HERC1: variants seen among roughly 807,000 people sequenced by gnomAD.
The protein encoded by HERC1 is probable E3 ubiquitin-protein ligase HERC1.
Under a neutral mutation model 554.3 loss-of-function variants are expected in HERC1, and 160 were observed. That is an observed-to-expected ratio of 0.29 (90% CI 0.25 to 0.33). The LOEUF is 0.33. Among genes scored for constraint, HERC1 ranks in the 10% least tolerant of loss-of-function variants. HERC1 has a pLI of 1.00. For synonymous variants in HERC1, 2,175 were observed against 2,131.7 expected (o/e 1.02, Z -0.56); for missense variants, 4,919 against 5,918.5 (o/e 0.83, Z 5.54).
chr15:63,757,246 T>C (rs1217817659), intron 4 of HERC1, among the ~76,000 whole-genome samples: 3 of 148,882 alleles, frequency 2.0e-5, no homozygotes, highest in Non-Finnish European at 4.5e-5. Flanking sequence ...CAAAAAGAAA[T>C]TCCAGTTTTT....
chr15:63,787,282 G>C (rs1251567360), intron 1 of HERC1, among the ~76,000 whole-genome samples: 1 of 151,214 alleles, frequency 6.6e-6, no homozygotes, highest in African/African-American at 2.4e-5. Flanking sequence ...TCAGCCTCCC[G>C]AGTAGGTGGG....
chr15:63,784,588 C>T (rs1408419202), intron 1 of HERC1, among the ~76,000 whole-genome samples: 1 of 143,168 alleles, frequency 7.0e-6, no homozygotes, highest in Non-Finnish European at 1.5e-5. Flanking sequence ...CTTATATATG[C>T]ATGTATTATC....
chr15:63,656,176 G>C lies in HERC1; in HGVS notation c.9782C>G (p.Ser3261Cys), dbSNP rs1475405230. Residue 3261 changes from serine to cysteine, a missense_variant, in exon 49 of 78, where the codon TCT becomes TGT. Physicochemically the swap from Ser to Cys is moderately radical, Grantham distance 112. Transcript: ENST00000443617. ...GGHSKANKPI[S>C]CLAYLSTAVG... is the part of the protein sequence containing the mutation. The stretch of plus-strand genomic sequence containing the variant: ...TGCTGTGCTCAAATAGGCCAGGCAA[G>C]AGATAGGCTTGTTAGCCTTGCTATG... 2 of 1,612,790 alleles carry C rather than the reference G, an allele frequency of 1.2e-6. No homozygotes were observed. The highest frequency in any genetic ancestry group is 1.7e-5 in the Admixed American group (1 of 59,790).
At chr15:63,714,572 T>C (rs1428569747) in intron 22 of HERC1, among the ~76,000 whole-genome samples, 2 of 128,600 alleles carry the variant, frequency 1.6e-5, no homozygotes, top group African/African-American at 6.0e-5. Context: ...TTTTTGGAGA[T>C]GGAGTCTCAC....
rs535221815 is a variant in HERC1, at chr15:63,730,333, C to A, written c.2869-684G>T. 2.0e-5 allele frequency among the ~76,000 whole-genome samples: 3 copies of A among 151,928 alleles called. No homozygotes were observed. The South Asian group carries it at 6.2e-4, about 32-fold the overall frequency. ...AATTAGCTGAGCATGGTGGTGCACA[C>A]CTCTAGTCCCAGCTACTTGGGAGGC... On this transcript the variant is annotated intron_variant, in intron 14 of 77. Coordinates refer to ENST00000443617, the MANE Select transcript of HERC1 (RefSeq NM_003922.4).
At chr15:63,617,073 A>AT (rs1443703834) in intron 74 of HERC1, among the ~76,000 whole-genome samples, 2 of 151,440 alleles carry the variant, frequency 1.3e-5, no homozygotes, top group Non-Finnish European at 2.9e-5. Flanking sequence ...GGTTTGTTAC[A>AT]TATGTATACA....
Position 63,680,878 on chromosome 15 carries a change from G to T in HERC1, c.6226-102C>A. 1 of 702,160 alleles carries T rather than the reference G, an allele frequency of 1.4e-6. No individual in the cohort carries two copies. Among genetic ancestry groups the T allele is most frequent in the Non-Finnish European group, 2.4e-6 (1 of 422,550 alleles). The allele number at this position is 702,160 out of a possible 1,614,324, so 43.5% of individuals were successfully genotyped here. ...AAATATGTTTATAAATAATACTAAT[G>T]CATTTATGGAAACATGTTATTTTCA... On this transcript the variant is annotated intron_variant, in intron 34 of 77. Coordinates refer to ENST00000443617, the MANE Select transcript of HERC1 (RefSeq NM_003922.4). This position sits in a 1 kb window ranked among gnomAD's most constrained non-coding sequence, Gnocchi z 5.8.
intron 65 of HERC1, among the ~76,000 whole-genome samples, chr15:63,635,628 G>T (rs1357238970): frequency 6.6e-6 from 1 of 152,200 alleles, no homozygotes; most frequent in Non-Finnish European, 1.5e-5. Context: ...TAAAAGCAAA[G>T]TTTTCCTTTT....
chr15:63,769,425 A>C (rs1363164549), intron 2 of HERC1, among the ~76,000 whole-genome samples: 1 of 152,160 alleles, frequency 6.6e-6, no homozygotes, highest in African/African-American at 2.4e-5. Flanking sequence ...GTTTCCAAAA[A>C]AAACAGGGCT....
chr15:63,644,869 T>C, intron 57 of HERC1, 123 bp downstream of exon 57: 1 of 674,938 alleles, frequency 1.5e-6, no homozygotes, highest in Non-Finnish European at 2.6e-6. Context: ...ATTACTTATA[T>C]TTCCCAATGG....
At chr15:63,639,098 C>T (rs2068917002) in intron 61 of HERC1, among the ~76,000 whole-genome samples, 1 of 152,102 alleles carries the variant, frequency 6.6e-6, no homozygotes, top group African/African-American at 2.4e-5. Flanking sequence ...TAGCTGTGGG[C>T]AAATTACTTC....
At chr15:63,685,740 A>G (rs2071723324) in intron 34 of HERC1, among the ~76,000 whole-genome samples, 1 of 152,202 alleles carries the variant, frequency 6.6e-6, no homozygotes, top group African/African-American at 2.4e-5. Flanking sequence ...TAGACTGTGC[A>G]AAAGAAGGAG....
rs544174214 is a variant in HERC1, at chr15:63,656,412, G to A, written c.9600-54C>T. The A allele has an allele frequency of 4.5e-5, 68 of 1,494,656 alleles. No individual in the cohort carries two copies. In the East Asian group the frequency reaches 1.5e-3, roughly 33 times the overall value. The allele number at this position is 1,494,656 out of a possible 1,614,324, so 92.6% of individuals were successfully genotyped here. A position where few individuals can be genotyped will look rare whatever the true frequency, so the allele number is the denominator to read the frequency against. Reference sequence around the variant, plus strand: ...GATAAAGAAAATGGATTTCTTAAGGGACCATTTGCAGTCCCACATAACATT... The same window carrying A: ...GATAAAGAAAATGGATTTCTTAAGGAACCATTTGCAGTCCCACATAACATT... On this transcript the variant is annotated intron_variant, in intron 48 of 77. Coordinates refer to ENST00000443617, the MANE Select transcript of HERC1 (RefSeq NM_003922.4).
chr15:63,640,072 A>G (rs1379762207), intron 61 of HERC1, 80 bp downstream of exon 61: 1 of 1,345,596 alleles, frequency 7.4e-7, no homozygotes, highest in Non-Finnish European at 1.0e-6. Context: ...ACCAGCAAAG[A>G]CTTATTAGGG....
In HERC1 at chr15:63,692,036, T is replaced by A. The variant is rs750107754; in HGVS notation, c.5830+375A>T. Reference sequence around the variant, plus strand: ...GAAGTCACAATCAAGGCAACAGAAATCACATTATGATAAGAGAGACTGTAC... The same window carrying A: ...GAAGTCACAATCAAGGCAACAGAAAACACATTATGATAAGAGAGACTGTAC... On this transcript the variant is annotated intron_variant, in intron 31 of 77. Transcript: ENST00000443617. This position sits in a 1 kb window ranked among gnomAD's most constrained non-coding sequence, Gnocchi z 4.7. Among the ~76,000 whole-genome samples the A allele has an allele frequency of 1.3e-5, 2 of 152,250 alleles. No homozygotes were observed. Among genetic ancestry groups the A allele is most frequent in the Admixed American group, 6.5e-5 (1 of 15,306 alleles).
At chr15:63,833,794 A>ACACAC (rs1567176642) in intron 1 of HERC1, 33 bp downstream of exon 1, 2 of 137,460 alleles carry the variant, frequency 1.5e-5, no homozygotes, top group African/African-American at 6.2e-5. Context: ...CACACACAGG[A>ACACAC]CCAGGAGGAC....
chr15:63,757,282 T>G (rs1330935499), intron 4 of HERC1, among the ~76,000 whole-genome samples: 2 of 148,782 alleles, frequency 1.3e-5, no homozygotes, highest in African/African-American at 5.0e-5. Flanking sequence ...TTTTTTTTTT[T>G]GAGACAGAGT....
At position 63,749,860 on chromosome 15, in the gene HERC1, T is replaced by C. The variant is rs1294136432; in HGVS notation, c.1903-69A>G. 1.6e-6 allele frequency: 2 copies of C among 1,250,614 alleles called. No homozygotes were observed. Among genetic ancestry groups the C allele is most frequent in the Non-Finnish European group, 1.1e-6 (1 of 925,954 alleles). 77.5% of individuals were successfully genotyped at this position (1,250,614 alleles called of 1,614,324 possible). On this transcript the variant is annotated intron_variant, in intron 8 of 77. Transcript: ENST00000443617. The surrounding 1 kb of genome is among the most constrained non-coding windows in gnomAD (Gnocchi z 4.1). ...TTAGATTGTTGGCTTTAGGGATAAA[T>C]GAAATCTATGAAACTAAAGTGTGGT...
chr15:63,623,841 T>A lies in HERC1; in HGVS notation c.13495A>T (p.Lys4499Ter). 2 of 1,614,032 alleles carry A rather than the reference T, an allele frequency of 1.2e-6. No individual in the cohort carries two copies. The change falls in exon 73 of 78, where the codon AAG (lysine) becomes TAG (stop). Residue 4499 changes from lysine to a stop codon, truncating the protein, a stop_gained. Coordinates refer to ENST00000443617, the MANE Select transcript of HERC1 (RefSeq NM_003922.4). LOFTEE classifies it high-confidence loss of function. ...AGGCGGAGGTCTGAAGCATTCAGCT[T>A]AACTACTTGTCTCGCTATTTGGACA... ...IFVQIARQVV[K>*]LNASDLRLPS...
Sources: allele counts gnomAD v4.1 joint callset (sites outside exome capture counted in the v4.1 genomes callset), GRCh38; gene constraint gnomAD v4.1.1; non-coding constraint Gnocchi (gnomAD v3.1); transcripts MANE v1.5; gene names NCBI Gene and HGNC (gene_info 2026-07-23, HGNC 2026-07-21).